The following RCOR1 variants were observed in gnomAD, a reference collection of about 807,000 sequenced individuals.
The protein encoded by RCOR1 is REST corepressor.
RCOR1 carries 12 observed loss-of-function variants against 64.0 expected under a neutral mutation model. The ratio of observed to expected loss-of-function variants is 0.19; its 90% CI spans 0.12 to 0.30. The LOEUF is 0.30. Ranked by LOEUF, RCOR1 falls within the 10% of genes least tolerant of loss-of-function variation. RCOR1 has a pLI of 1.00. For synonymous variants in RCOR1, 279 were observed against 227.2 expected (o/e 1.23, Z -2.05); for missense variants, 502 against 621.2 (o/e 0.81, Z 2.04).
Position 102,592,816 on chromosome 14 carries a change from C to T in RCOR1, c.-71C>T, listed in dbSNP as rs1893154278. Reference sequence around the variant, plus strand: ...GCCCCGCGCCGGCCCCGCGCCCCCTCCCCCGTCTCGGCGCCCCCTCCTCAG... The same window carrying T: ...GCCCCGCGCCGGCCCCGCGCCCCCTTCCCCGTCTCGGCGCCCCCTCCTCAG... On this transcript the variant is annotated 5_prime_UTR_variant, in exon 1 of 12. Coordinates refer to ENST00000262241, the MANE Select transcript of RCOR1 (RefSeq NM_015156.4). The T allele has an allele frequency of 1.1e-5, 13 of 1,175,372 alleles. No individual in the cohort carries two copies. In the South Asian group the frequency reaches 4.2e-4, roughly 38 times the overall value. 72.8% of individuals were successfully genotyped at this position (1,175,372 alleles called of 1,614,324 possible).
At chr14:102,720,794 C>T in intron 8 of RCOR1, 1 of 396,790 alleles carries the variant, frequency 2.5e-6, no homozygotes, top group Non-Finnish European at 4.5e-6. Context: ...TCCCCTCCTC[C>T]TTGGGTTGTA....
At chr14:102,594,261 A>G (rs1372232908) in intron 2 of RCOR1, among the ~76,000 whole-genome samples, 2 of 152,240 alleles carry the variant, frequency 1.3e-5, no homozygotes, top group African/African-American at 4.8e-5. Flanking sequence ...TAAAATTCAA[A>G]AGAGCATCTT....
chr14:102,602,575 A>T (rs997621805), intron 2 of RCOR1, among the ~76,000 whole-genome samples: 1 of 151,702 alleles, frequency 6.6e-6, no homozygotes. Context: ...GGCTAATTTT[A>T]AAAAATATTT....
At chr14:102,649,929 G>T (rs1231471258) in intron 2 of RCOR1, 1 of 271,272 alleles carries the variant, frequency 3.7e-6, no homozygotes, top group Non-Finnish European at 5.6e-6. Flanking sequence ...GCCGGGCGCG[G>T]TGGCTCACAC....
Position 102,679,335 on chromosome 14 carries a change from A to G in RCOR1, c.362-2560A>G, listed in dbSNP as rs1434390897. On this transcript the variant is annotated intron_variant, in intron 2 of 11. Coordinates refer to ENST00000262241, the MANE Select transcript of RCOR1 (RefSeq NM_015156.4). Reference sequence around the variant, plus strand: ...AAAAAAATGTTTGTTTTGTTTTTGCATGTGAATATTCATTTGTTCCTGCAT... The same window carrying G: ...AAAAAAATGTTTGTTTTGTTTTTGCGTGTGAATATTCATTTGTTCCTGCAT... 3.3e-5 allele frequency among the ~76,000 whole-genome samples: 5 copies of G among 152,220 alleles called. No homozygotes were observed. The South Asian group carries it at 8.3e-4, about 25-fold the overall frequency.
At chr14:102,617,475 G>T (rs1352440064) in intron 2 of RCOR1, among the ~76,000 whole-genome samples, 1 of 152,100 alleles carries the variant, frequency 6.6e-6, no homozygotes, top group African/African-American at 2.4e-5. Flanking sequence ...TGGGCATGAT[G>T]GCATGGGGTG....
rs144007444 is a variant in RCOR1 at position 102,652,993 on chromosome 14, C to T, written c.362-28902C>T. 6.7e-3 allele frequency among the ~76,000 whole-genome samples: 1,010 copies of T among 151,758 alleles called. 12 individuals are homozygous for T. The highest frequency in any genetic ancestry group is 0.024 in the African/African-American group (972 of 41,338). ...TTGTCGCCAGGCTGGAGTGCAGTGA[C>T]GTGATCTTGGCTCACTGCAACCTCT... On this transcript the variant is annotated intron_variant, in intron 2 of 11. Coordinates refer to ENST00000262241, the MANE Select transcript of RCOR1 (RefSeq NM_015156.4).
At chr14:102,635,930 A>G (rs974465212) in intron 2 of RCOR1, among the ~76,000 whole-genome samples, 1 of 152,098 alleles carries the variant, frequency 6.6e-6, no homozygotes, top group African/African-American at 2.4e-5. Flanking sequence ...AGTGAGAAAC[A>G]TAAAAGTTTC....
At chr14:102,657,418 T>C (rs192902068) in intron 2 of RCOR1, 3 of 985,256 alleles carry the variant, frequency 3.0e-6, no homozygotes, top group East Asian at 1.1e-4. Flanking sequence ...TCTGATGATG[T>C]TTTTGTTGCT....
chr14:102,626,491 C>T (rs1358178732), intron 2 of RCOR1, among the ~76,000 whole-genome samples: 2 of 152,214 alleles, frequency 1.3e-5, no homozygotes, highest in African/African-American at 4.8e-5. Context: ...CAGAATACTT[C>T]TGGGGACAGG....
intron 2 of RCOR1, chr14:102,659,310 T>A (rs1166617027): frequency 2.0e-6 from 2 of 976,880 alleles, no homozygotes; most frequent in South Asian, 4.7e-5. Context: ...TCAGCATTTA[T>A]AAATAGTGAG....
intron 2 of RCOR1, among the ~76,000 whole-genome samples, chr14:102,608,976 A>G (rs896121382): frequency 4.9e-5 from 7 of 142,726 alleles, no homozygotes; most frequent in Admixed American, 7.0e-5. Flanking sequence ...TTTTAGGGGT[A>G]TATATCTATT....
intron 3 of RCOR1, among the ~76,000 whole-genome samples, chr14:102,698,787 G>A (rs1159158712): frequency 6.6e-6 from 1 of 152,142 alleles, no homozygotes; most frequent in East Asian, 1.9e-4. Flanking sequence ...CAGGGTTCTG[G>A]CCAGGTATAC....
At chr14:102,644,878 G>C (rs1198428366) in intron 2 of RCOR1, among the ~76,000 whole-genome samples, 1 of 152,148 alleles carries the variant, frequency 6.6e-6, no homozygotes, top group South Asian at 2.1e-4. Flanking sequence ...TTCAGGCTCT[G>C]GTTTCTGCTG....
intron 3 of RCOR1, among the ~76,000 whole-genome samples, chr14:102,690,901 A>G (rs1032573836): frequency 1.3e-5 from 2 of 152,216 alleles, no homozygotes; most frequent in African/African-American, 4.8e-5. Context: ...TAAATAAGTT[A>G]TTGAATGAAT....
intron 2 of RCOR1, among the ~76,000 whole-genome samples, chr14:102,660,080 C>T (rs1480566569): frequency 6.6e-6 from 1 of 152,144 alleles, no homozygotes; most frequent in East Asian, 1.9e-4. Flanking sequence ...TATCTTTAAC[C>T]ATTGGTTCCA....
intron 2 of RCOR1, among the ~76,000 whole-genome samples, chr14:102,614,386 G>A (rs913892871): frequency 4.6e-5 from 7 of 151,132 alleles, no homozygotes; most frequent in Non-Finnish European, 1.0e-4. Context: ...CACCATGCCC[G>A]GCTAATTTTT....
intron 2 of RCOR1, among the ~76,000 whole-genome samples, chr14:102,609,391 A>G (rs1483719657): frequency 2.0e-5 from 3 of 151,912 alleles, no homozygotes; most frequent in Non-Finnish European, 4.4e-5. Flanking sequence ...ACAGTAGCTT[A>G]ACCATTTTAT....
chr14:102,677,525 G>T (rs1188565469), intron 2 of RCOR1, among the ~76,000 whole-genome samples: 2 of 132,452 alleles, frequency 1.5e-5, no homozygotes, highest in Non-Finnish European at 3.3e-5. Flanking sequence ...CCCAGACAGG[G>T]TTGCGGCCCA....
Sources: allele counts gnomAD v4.1 joint callset (sites outside exome capture counted in the v4.1 genomes callset), GRCh38; gene constraint gnomAD v4.1.1; transcripts MANE v1.5; gene names NCBI Gene and HGNC (gene_info 2026-07-23, HGNC 2026-07-21).